Variants in CADPS observed in about 807,000 individuals in gnomAD.
CADPS encodes calcium dependent secretion activator, also known as calcium-dependent secretion activator 1.
CADPS carries 57 observed loss-of-function variants against 167.3 expected under a neutral mutation model. The ratio of observed to expected loss-of-function variants is 0.34; its 90% CI spans 0.28 to 0.42. The LOEUF is 0.42. Among genes scored for constraint, CADPS ranks in the 20% least tolerant of loss-of-function variants. CADPS has a pLI of 1.00. For missense variants in CADPS, 1,414 were observed against 1,738.1 expected, an observed-to-expected ratio of 0.81 and a Z score of 3.32; for synonymous variants, 676 against 635.3, an observed-to-expected ratio of 1.06 and a Z score of -0.96.
chr3:62,843,169 G>A (rs186985923), intron 1 of CADPS, among the ~76,000 whole-genome samples: 121 of 152,162 alleles, frequency 8.0e-4, no homozygotes, highest in African/African-American at 2.8e-3. Flanking sequence ...TCTTCCCTAT[G>A]ACAGAAATGA....
intron 28 of CADPS, among the ~76,000 whole-genome samples, chr3:62,424,913 A>G (rs1488821342): frequency 1.3e-5 from 2 of 152,174 alleles, no homozygotes; most frequent in Non-Finnish European, 2.9e-5. Context: ...CCTATTTAAC[A>G]AATGGTTATT....
intron 1 of CADPS, among the ~76,000 whole-genome samples, chr3:62,791,421 G>A (rs2092935643): frequency 6.6e-6 from 1 of 152,170 alleles, no homozygotes; most frequent in East Asian, 1.9e-4. Context: ...TCATGGACCA[G>A]CAGCATCAGC....
At chr3:62,792,305 G>C (rs931775977) in intron 1 of CADPS, among the ~76,000 whole-genome samples, 1 of 151,526 alleles carries the variant, frequency 6.6e-6, no homozygotes, top group African/African-American at 2.4e-5. Flanking sequence ...TCAGGCTCAA[G>C]TGATCCTCTC....
At chr3:62,452,993 T>C (rs2058261519) in intron 26 of CADPS, among the ~76,000 whole-genome samples, 1 of 151,818 alleles carries the variant, frequency 6.6e-6, no homozygotes. Flanking sequence ...ATTAGCCAGG[T>C]GTGGTTGTGT....
At chr3:62,871,704 A>C (rs1002283099) in intron 1 of CADPS, among the ~76,000 whole-genome samples, 1 of 152,144 alleles carries the variant, frequency 6.6e-6, no homozygotes, top group Non-Finnish European at 1.5e-5. Flanking sequence ...TTAAGAACAG[A>C]AAAAAATAAC....
At chr3:62,711,413 G>A (rs1408987395) in intron 3 of CADPS, among the ~76,000 whole-genome samples, 1 of 152,136 alleles carries the variant, frequency 6.6e-6, no homozygotes, top group Non-Finnish European at 1.5e-5. Flanking sequence ...TTCAGGTAAA[G>A]GTTAGTAAAA....
rs543003247 is a variant in CADPS, at chr3:62,398,803, A to G, written c.*603T>C. 1 of 151,842 alleles carries G rather than the reference A, an allele frequency of 6.6e-6. No individual in the cohort carries two copies. Among genetic ancestry groups the G allele is most frequent in the East Asian group, 1.9e-4 (1 of 5,170 alleles). 9.4% of individuals were successfully genotyped at this position (151,842 alleles called of 1,614,324 possible). The stretch of plus-strand genomic sequence containing the variant: ...AGAATCAATCCATTGGTATGTAGCC[A>G]TCCTTTTTTTTTTGGCTAATTATAT... On this transcript the variant is annotated 3_prime_UTR_variant, in exon 30 of 30. Coordinates refer to ENST00000383710, the MANE Select transcript of CADPS (RefSeq NM_003716.4).
intron 2 of CADPS, among the ~76,000 whole-genome samples, chr3:62,762,632 G>C (rs2085765905): frequency 6.8e-6 from 1 of 146,982 alleles, no homozygotes; most frequent in Non-Finnish European, 1.5e-5. Context: ...CTCCAGCCTG[G>C]GTAACAGAAA....
At position 62,601,618 on chromosome 3, in the gene CADPS, T is replaced by C. The variant is rs535026642; in HGVS notation, c.1326-8870A>G. ...TAGCACTCTTAGTTTATTAGAAAAT[T>C]GGGGCTTGTGTATCATAGCATTTCA... is the stretch of plus-strand genomic sequence containing the variant. On this transcript the variant is annotated intron_variant, in intron 6 of 29. Transcript: ENST00000383710. The surrounding 1 kb of genome is among the most constrained non-coding windows in gnomAD (Gnocchi z 4.3). 6.6e-6 allele frequency among the ~76,000 whole-genome samples: 1 copy of C among 152,258 alleles called. No individual in the cohort carries two copies. Among genetic ancestry groups the C allele is most frequent in the South Asian group, 2.1e-4 (1 of 4,822 alleles).
At chr3:62,618,616 A>T (rs531841313) in intron 6 of CADPS, among the ~76,000 whole-genome samples, 1 of 152,254 alleles carries the variant, frequency 6.6e-6, no homozygotes, top group African/African-American at 2.4e-5. Context: ...GCTTCTTCCC[A>T]TCTTCCATGT....
intron 6 of CADPS, among the ~76,000 whole-genome samples, chr3:62,628,872 G>A (rs140484415): frequency 3.3e-5 from 5 of 152,022 alleles, no homozygotes; most frequent in East Asian, 3.9e-4. Flanking sequence ...TGATTCACCC[G>A]CCTCAGCCTC....
chr3:62,583,319 C>T (rs148497056), intron 8 of CADPS, among the ~76,000 whole-genome samples: 2 of 152,240 alleles, frequency 1.3e-5, no homozygotes, highest in African/African-American at 4.8e-5. Flanking sequence ...GAATTATCAA[C>T]TCCTTTGTCT....
chr3:62,403,057 A>T (rs765968167), intron 29 of CADPS, 24 bp downstream of exon 29: 2 of 1,434,716 alleles, frequency 1.4e-6, no homozygotes, highest in Admixed American at 1.7e-5. Context: ...ATTTGCAAAG[A>T]AGAATAATAA....
chr3:62,566,380 G>C (rs141007237), intron 9 of CADPS, among the ~76,000 whole-genome samples: 29 of 151,506 alleles, frequency 1.9e-4, no homozygotes, highest in African/African-American at 7.0e-4. Flanking sequence ...ATTGCATGCA[G>C]CTGTTGGGGG....
At chr3:62,873,116 G>A (rs2082942150) in intron 1 of CADPS, among the ~76,000 whole-genome samples, 1 of 152,192 alleles carries the variant, frequency 6.6e-6, no homozygotes, top group South Asian at 2.1e-4. Context: ...AGTCTTGTGT[G>A]TAACCCACCT....
chr3:62,572,153 AT>A (rs1341963757), intron 8 of CADPS, among the ~76,000 whole-genome samples: 1 of 152,056 alleles, frequency 6.6e-6, no homozygotes. Context: ...CCTAATTAAA[AT>A]TTTTCCTGCC....
At chr3:62,417,546 A>C (rs1044233497) in intron 28 of CADPS, among the ~76,000 whole-genome samples, 5 of 151,932 alleles carry the variant, frequency 3.3e-5, no homozygotes, top group African/African-American at 1.2e-4. Context: ...CGGCCTCCCA[A>C]AGTGTTGGGA....
chr3:62,528,942 T>C (rs2073000992), intron 13 of CADPS, among the ~76,000 whole-genome samples: 2 of 152,186 alleles, frequency 1.3e-5, no homozygotes, highest in Admixed American at 1.3e-4. Flanking sequence ...GCAGATTACC[T>C]GAGGTCAGGA....
chr3:62,419,150 T>C (rs758341240), intron 28 of CADPS, among the ~76,000 whole-genome samples: 8 of 152,192 alleles, frequency 5.3e-5, no homozygotes, highest in Non-Finnish European at 8.8e-5. Context: ...TGTACCTGAA[T>C]TTCTCAGTTC....
Sources: allele counts gnomAD v4.1 joint callset (sites outside exome capture counted in the v4.1 genomes callset), GRCh38; gene constraint gnomAD v4.1.1; non-coding constraint Gnocchi (gnomAD v3.1); transcripts MANE v1.5; gene names NCBI Gene and HGNC (gene_info 2026-07-23, HGNC 2026-07-21).